Variants in ATXN1 observed in about 807,000 individuals in gnomAD.
ATXN1 encodes the protein ataxin-1.
Under a neutral mutation model 56.4 loss-of-function variants are expected in ATXN1, and 8 were observed. The ratio of observed to expected loss-of-function variants is 0.14; its 90% CI spans 0.08 to 0.26. The LOEUF is 0.26. Among genes scored for constraint, ATXN1 ranks in the 10% least tolerant of loss-of-function variants. The pLI is 1.00. For synonymous variants in ATXN1, 514 were observed against 494.6 expected, an observed-to-expected ratio of 1.04 and a Z score of -0.52; for missense variants, 987 against 1,106.5, an observed-to-expected ratio of 0.89 and a Z score of 1.53.
chr6:16,435,739 A>G (rs1003075231), intron 6 of ATXN1, among the ~76,000 whole-genome samples: 6 of 152,120 alleles, frequency 3.9e-5, no homozygotes, highest in Admixed American at 3.9e-4. Context: ...GAGGCGGTAG[A>G]GCCGTGGTTG....
chr6:16,554,490 C>T (rs1004135997), intron 4 of ATXN1, among the ~76,000 whole-genome samples: 1 of 152,146 alleles, frequency 6.6e-6, no homozygotes, highest in Non-Finnish European at 1.5e-5. Context: ...TGGTTCTTGT[C>T]GCCCAGGCTG....
intron 6 of ATXN1, among the ~76,000 whole-genome samples, chr6:16,424,420 C>T (rs1408933507): frequency 6.6e-6 from 1 of 152,140 alleles, no homozygotes; most frequent in Non-Finnish European, 1.5e-5. Context: ...CCTGATTTTA[C>T]CCCTCTCTCT....
chr6:16,513,544 C>T (rs371832393), intron 5 of ATXN1, among the ~76,000 whole-genome samples: 73 of 152,258 alleles, frequency 4.8e-4, no homozygotes, highest in African/African-American at 1.5e-3. Flanking sequence ...TAGAGGCTTC[C>T]GATCATCTTG....
chr6:16,344,893 A>C (rs1232627042), intron 6 of ATXN1, among the ~76,000 whole-genome samples: 1 of 152,202 alleles, frequency 6.6e-6, no homozygotes, highest in Non-Finnish European at 1.5e-5. Flanking sequence ...AATCATTCCT[A>C]AACTCTCAGC....
rs142233682 is a variant in ATXN1, at chr6:16,370,062, C to T, written c.-160-41592G>A. The stretch of plus-strand genomic sequence containing the variant: ...GCTTATGGTGGTAATAATGTGGTGA[C>T]TGTCGTTCAAAGCCCCTTCACACAC... On this transcript the variant is annotated intron_variant, in intron 6 of 7. Coordinates refer to ENST00000436367, the MANE Select transcript of ATXN1 (RefSeq NM_001128164.2). Among the ~76,000 whole-genome samples the T allele has an allele frequency of 4.6e-5, 7 of 152,280 alleles. No individual in the cohort carries two copies. The East Asian group carries it at 1.3e-3, about 29-fold the overall frequency.
intron 6 of ATXN1, among the ~76,000 whole-genome samples, chr6:16,348,377 T>C (rs1436206866): frequency 6.6e-6 from 1 of 152,186 alleles, no homozygotes; most frequent in Non-Finnish European, 1.5e-5. Flanking sequence ...TTCAACTTTC[T>C]AAGCTTTGAT....
intron 4 of ATXN1, among the ~76,000 whole-genome samples, chr6:16,584,621 G>C (rs189033368): frequency 1.3e-5 from 2 of 151,044 alleles, no homozygotes; most frequent in Admixed American, 1.3e-4. Flanking sequence ...CAATTTACTT[G>C]ACTTACAAAT....
chr6:16,624,427 T>A (rs1416614404), intron 3 of ATXN1, among the ~76,000 whole-genome samples: 1 of 151,450 alleles, frequency 6.6e-6, no homozygotes, highest in Non-Finnish European at 1.5e-5. Flanking sequence ...ATTCAGTTAA[T>A]ACCACTGAAT....
intron 3 of ATXN1, among the ~76,000 whole-genome samples, chr6:16,653,275 G>A (rs1758110380): frequency 2.0e-5 from 3 of 152,206 alleles, no homozygotes; most frequent in Admixed American, 6.5e-5. Flanking sequence ...AGAGGCGGAC[G>A]GAAGGAGAGG....
chr6:16,388,189 T>C (rs922658278), intron 6 of ATXN1, among the ~76,000 whole-genome samples: 1 of 152,088 alleles, frequency 6.6e-6, no homozygotes, highest in Non-Finnish European at 1.5e-5. Context: ...GAATCTGCAG[T>C]CACGGTGAAA....
At position 16,306,908 on chromosome 6, in the gene ATXN1, G is replaced by A. The variant is rs200993883; in HGVS notation, c.1918-49C>T. On this transcript the variant is annotated intron_variant, in intron 7 of 7. Transcript: ENST00000436367. This position sits in a 1 kb window ranked among gnomAD's most constrained non-coding sequence, Gnocchi z 5.2. ...GAGAGGAAGAAGGAAGGGAACAAAT[G>A]AAAACATTTTATTCTTGTTTGATTT... 3 of 1,527,288 alleles carry A rather than the reference G, an allele frequency of 2.0e-6. No individual in the cohort carries two copies. Among genetic ancestry groups the A allele is most frequent in the Admixed American group, 4.0e-5 (2 of 49,944 alleles). The allele number at this position is 1,527,288 out of a possible 1,614,324, so 94.6% of individuals were successfully genotyped here.
intron 4 of ATXN1, among the ~76,000 whole-genome samples, chr6:16,557,485 A>T (rs1762036888): frequency 6.6e-6 from 1 of 152,204 alleles, no homozygotes; most frequent in South Asian, 2.1e-4. Context: ...CTATAAACTT[A>T]TATGATGTCA....
At chr6:16,637,661 C>A (rs902919908) in intron 3 of ATXN1, among the ~76,000 whole-genome samples, 4 of 152,142 alleles carry the variant, frequency 2.6e-5, no homozygotes, top group Admixed American at 6.5e-5. Context: ...AAAAATGTTT[C>A]ATAAAATAGC....
chr6:16,630,763 C>T (rs997923744), intron 3 of ATXN1, among the ~76,000 whole-genome samples: 10 of 152,058 alleles, frequency 6.6e-5, no homozygotes, highest in Non-Finnish European at 1.3e-4. Context: ...GATATTAAGA[C>T]GACATGGCAA....
At chr6:16,715,643 G>A (rs898084280) in intron 2 of ATXN1, among the ~76,000 whole-genome samples, 3 of 152,188 alleles carry the variant, frequency 2.0e-5, no homozygotes, top group African/African-American at 7.2e-5. Context: ...TCCTATTTCT[G>A]TTAGTGATTC....
At chr6:16,500,828 T>C (rs895810587) in intron 5 of ATXN1, among the ~76,000 whole-genome samples, 8 of 151,558 alleles carry the variant, frequency 5.3e-5, no homozygotes, top group African/African-American at 1.7e-4. Context: ...TTACAAAGCT[T>C]AATCAGTAGT....
intron 7 of ATXN1, among the ~76,000 whole-genome samples, chr6:16,324,220 C>T (rs7765262): frequency 0.26 from 40,123 of 151,950 alleles, 6,194 homozygotes; most frequent in East Asian, 0.46. Context: ...GGTGGAAGGA[C>T]TGCTTGGAGC....
chr6:16,328,185 G>C lies in ATXN1; in HGVS notation c.126C>G (p.Gly42=), dbSNP rs768295220. 5.0e-6 allele frequency: 8 copies of C among 1,597,716 alleles called. No individual in the cohort carries two copies. The Admixed American group carries it at 1.4e-4, about 27-fold the overall frequency. ...CAGGGTTGCCCGGGAGCCATGCTGTGCCCTCCACCCGGTGGTTGTCGCTGG... is the reference window on the plus strand; with the variant it reads ...CAGGGTTGCCCGGGAGCCATGCTGTCCCCTCCACCCGGTGGTTGTCGCTGG... ...TLPSDNHRVE[G]TAWLPGNPGG... The change falls in exon 7 of 8, where the codon GGC becomes GGG. Residue 42 remains glycine (G), a synonymous_variant. Transcript: ENST00000436367. The surrounding 1 kb of genome is among the most constrained non-coding windows in gnomAD (Gnocchi z 6.2).
rs373492693 is a variant in ATXN1 at position 16,407,353 on chromosome 6, C to A, written c.-161+78619G>T. Among the ~76,000 whole-genome samples, 15 of 152,328 alleles carry A rather than the reference C, an allele frequency of 9.8e-5. No homozygotes were observed. In the South Asian group the frequency reaches 1.7e-3, roughly 17 times the overall value. On this transcript the variant is annotated intron_variant, in intron 6 of 7. Transcript: ENST00000436367. ...GTCGGAATGAATGGGAAGGATACTG[C>A]TGTGTCCACCAGTGCCTAACTGGAC... is the stretch of plus-strand genomic sequence containing the variant.
Sources: gnomAD v4.1 joint callset for allele counts (sites outside exome capture counted in the v4.1 genomes callset) on GRCh38, gnomAD v4.1.1 for gene constraint, Gnocchi (gnomAD v3.1) non-coding constraint, MANE v1.5 for transcripts, NCBI Gene and HGNC (gene_info 2026-07-23, HGNC 2026-07-21) for gene names.